The following CAMTA1 variants were observed in gnomAD, a reference collection of about 807,000 sequenced individuals.
CAMTA1 encodes calmodulin-binding transcription activator 1.
In CAMTA1, 27 loss-of-function variants were observed where a neutral mutation model predicts 170.9. That is an observed-to-expected ratio of 0.16 (90% confidence interval 0.12 to 0.22). The LOEUF is 0.22. CAMTA1 is among the 10% of genes least tolerant of loss of function. The pLI is 1.00. For synonymous variants in CAMTA1, 833 were observed against 891.5 expected (o/e 0.93, Z 1.17); for missense variants, 1,619 against 2,217.2 (o/e 0.73, Z 5.42).
intron 4 of CAMTA1, among the ~76,000 whole-genome samples, chr1:7,192,743 C>T (rs902284958): frequency 2.0e-5 from 3 of 152,120 alleles, no homozygotes; most frequent in Admixed American, 1.3e-4. Context: ...GATGAAGGAG[C>T]GAGCCTAGTG....
At chr1:7,760,676 C>T (rs556411806) in intron 22 of CAMTA1, among the ~76,000 whole-genome samples, 1 of 152,260 alleles carries the variant, frequency 6.6e-6, no homozygotes, top group South Asian at 2.1e-4. Context: ...TCTTATTGGG[C>T]CTCTCTGTCT....
chr1:6,840,722 A>C (rs1655321066), intron 3 of CAMTA1, among the ~76,000 whole-genome samples: 1 of 152,184 alleles, frequency 6.6e-6, no homozygotes, highest in African/African-American at 2.4e-5. Flanking sequence ...ATCACCTGGG[A>C]TGCAGAAGAT....
chr1:7,321,940 T>C (rs1678484368), intron 5 of CAMTA1, among the ~76,000 whole-genome samples: 1 of 152,114 alleles, frequency 6.6e-6, no homozygotes, highest in Non-Finnish European at 1.5e-5. Flanking sequence ...TGGGAACATA[T>C]CTTGAGTCGA....
At chr1:6,956,955 G>A (rs1461592939) in intron 3 of CAMTA1, among the ~76,000 whole-genome samples, 1 of 152,206 alleles carries the variant, frequency 6.6e-6, no homozygotes, top group Non-Finnish European at 1.5e-5. Flanking sequence ...GCATGGCCTT[G>A]GTGGGGGCCC....
At chr1:7,185,971 G>A (rs1653171377) in intron 4 of CAMTA1, among the ~76,000 whole-genome samples, 2 of 152,206 alleles carry the variant, frequency 1.3e-5, no homozygotes, top group Non-Finnish European at 2.9e-5. Context: ...GGGCTTTATA[G>A]GACGCTTGGT....
chr1:7,597,107 A>AACACGAGCCCACTTACCCAGTGG (rs1377087232), intron 6 of CAMTA1, among the ~76,000 whole-genome samples: 5 of 152,098 alleles, frequency 3.3e-5, no homozygotes, highest in African/African-American at 1.2e-4. Context: ...GCACCCAGCA[A>AACACGAGCCCACTTACCCAGTGG]ACACGAGCCC....
intron 11 of CAMTA1, among the ~76,000 whole-genome samples, chr1:7,705,199 G>A (rs568407550): frequency 2.0e-5 from 3 of 151,402 alleles, no homozygotes; most frequent in East Asian, 3.9e-4. Context: ...TTTCTGGGGC[G>A]AGAGTGGGGA....
intron 3 of CAMTA1, among the ~76,000 whole-genome samples, chr1:6,894,009 C>T (rs1203074193): frequency 1.3e-5 from 2 of 152,206 alleles, no homozygotes; most frequent in African/African-American, 4.8e-5. Context: ...TAGATTCACA[C>T]TGAAAGATTA....
chr1:7,196,470 C>T (rs958345946), intron 4 of CAMTA1, among the ~76,000 whole-genome samples: 4 of 152,232 alleles, frequency 2.6e-5, no homozygotes, highest in Admixed American at 6.5e-5. Flanking sequence ...AGTGATGGGA[C>T]ATTCCAGTTA....
intron 3 of CAMTA1, among the ~76,000 whole-genome samples, chr1:6,852,811 A>T (rs1660902656): frequency 6.6e-6 from 1 of 152,188 alleles, no homozygotes; most frequent in Non-Finnish European, 1.5e-5. Flanking sequence ...TTGGTTATTG[A>T]ACTCAGTCTC....
At chr1:7,292,657 G>A (rs1673318632) in intron 5 of CAMTA1, among the ~76,000 whole-genome samples, 2 of 152,134 alleles carry the variant, frequency 1.3e-5, no homozygotes, top group African/African-American at 4.8e-5. Context: ...ATCCCTGATT[G>A]AATTCCTCCT....
intron 11 of CAMTA1, among the ~76,000 whole-genome samples, chr1:7,691,321 G>A (rs961523698): frequency 2.0e-5 from 3 of 152,182 alleles, no homozygotes; most frequent in African/African-American, 7.2e-5. Context: ...GGCCACAGGG[G>A]CTGGAGGGAC....
chr1:7,263,936 A>G (rs973340103), intron 5 of CAMTA1, among the ~76,000 whole-genome samples: 1 of 152,192 alleles, frequency 6.6e-6, no homozygotes. Context: ...TAATATGATA[A>G]TATTAAGAAT....
intron 4 of CAMTA1, among the ~76,000 whole-genome samples, chr1:7,193,934 G>A (rs916390818): frequency 2.6e-5 from 4 of 152,170 alleles, no homozygotes; most frequent in African/African-American, 9.6e-5. Flanking sequence ...CAGGGTTCTT[G>A]AAGACAGCAA....
rs763802144 is a variant in CAMTA1, at chr1:7,634,571, G to A, written c.511-5829G>A. ...GACACTGGATGAGGCCACTAAGGAG[G>A]GAGAGAGGGAAAGAGGGAGAAAGAG... On this transcript the variant is annotated intron_variant, in intron 6 of 22. Coordinates refer to ENST00000303635, the MANE Select transcript of CAMTA1 (RefSeq NM_015215.4). This position sits in a 1 kb window ranked among gnomAD's most constrained non-coding sequence, Gnocchi z 6.2. 3.3e-5 allele frequency among the ~76,000 whole-genome samples: 5 copies of A among 152,014 alleles called. No individual in the cohort carries two copies. Among genetic ancestry groups the A allele is most frequent in the African/African-American group, 7.3e-5 (3 of 41,362 alleles).
intron 4 of CAMTA1, among the ~76,000 whole-genome samples, chr1:7,180,474 A>G (rs1194782394): frequency 6.7e-6 from 1 of 149,772 alleles, no homozygotes; most frequent in Non-Finnish European, 1.5e-5. Context: ...AAAGATCTAG[A>G]AAAAATCCTG....
At chr1:7,103,852 A>ATC (rs1643178058) in intron 4 of CAMTA1, among the ~76,000 whole-genome samples, 1 of 35,150 alleles carries the variant, frequency 2.8e-5, no homozygotes, top group East Asian at 4.0e-4. Context: ...ATGTACACAC[A>ATC]ACACACATAC....
intron 3 of CAMTA1, among the ~76,000 whole-genome samples, chr1:6,870,568 T>C (rs192294838): frequency 5.9e-5 from 9 of 152,364 alleles, no homozygotes; most frequent in Middle Eastern, 3.4e-3. Context: ...TTTTAATATC[T>C]AAGTGTTTTT....
At chr1:7,506,866 C>T (rs1400494960) in intron 6 of CAMTA1, among the ~76,000 whole-genome samples, 3 of 152,058 alleles carry the variant, frequency 2.0e-5, no homozygotes, top group Non-Finnish European at 4.4e-5. Context: ...AATTCACACT[C>T]GCTTTCATAC....
Sources: gnomAD v4.1 joint callset for allele counts (sites outside exome capture counted in the v4.1 genomes callset) on GRCh38, gnomAD v4.1.1 for gene constraint, Gnocchi (gnomAD v3.1) non-coding constraint, MANE v1.5 for transcripts, NCBI Gene and HGNC (gene_info 2026-07-23, HGNC 2026-07-21) for gene names.